SGCD: variants seen among roughly 807,000 people sequenced by gnomAD.
SGCD encodes the protein delta-sarcoglycan.
Under a neutral mutation model 36.6 loss-of-function variants are expected in SGCD, and 18 were observed. The observed-to-expected ratio is 0.49, with a 90% CI of 0.34 to 0.73. SGCD has a LOEUF of 0.73. Among genes scored for constraint, SGCD ranks in the 30% least tolerant of loss-of-function variants. The probability of loss-of-function intolerance (pLI) is 0.01; values close to 1 mark genes in which losing one functional copy is unlikely to be tolerated. For missense variants in SGCD, 387 were observed against 346.7 expected (o/e 1.12, Z -0.92); for synonymous variants, 133 against 130.6 (o/e 1.02, Z -0.12).
intron 1 of SGCD, among the ~76,000 whole-genome samples, chr5:155,928,941 A>G (rs1039893533): frequency 3.9e-5 from 6 of 152,076 alleles, no homozygotes; most frequent in African/African-American, 1.4e-4. Context: ...TGTCTCTTGA[A>G]CTTTACATGT....
intron 1 of SGCD, among the ~76,000 whole-genome samples, chr5:156,012,984 A>G (rs1192059172): frequency 6.7e-6 from 1 of 148,568 alleles, no homozygotes; most frequent in African/African-American, 2.5e-5. Flanking sequence ...TATGTATACA[A>G]GTAGTGTCTT....
At chr5:156,267,289 T>C (rs1766027003) in intron 3 of SGCD, among the ~76,000 whole-genome samples, 1 of 152,208 alleles carries the variant, frequency 6.6e-6, no homozygotes, top group Non-Finnish European at 1.5e-5. Flanking sequence ...ATTCCAAGAC[T>C]TCTCTTAAAA....
chr5:155,841,303 A>T, the SGCD span, among the ~76,000 whole-genome samples: 1 of 152,196 alleles, frequency 6.6e-6, no homozygotes, highest in East Asian at 1.9e-4. Context: ...TCAATGAAAT[A>T]TTGCTTACTT....
At chr5:156,052,634 T>G (rs1329847218) in intron 1 of SGCD, among the ~76,000 whole-genome samples, 1 of 145,758 alleles carries the variant, frequency 6.9e-6, no homozygotes. Context: ...ATATGTCGTA[T>G]AAATGAGGAC....
chr5:156,404,147 C>T (rs548585006), intron 3 of SGCD, among the ~76,000 whole-genome samples: 1 of 152,256 alleles, frequency 6.6e-6, no homozygotes, highest in East Asian at 1.9e-4. Flanking sequence ...CCTCACCTCT[C>T]TTTCACCCAG....
chr5:156,549,841 A>G (rs889094625), intron 4 of SGCD, among the ~76,000 whole-genome samples: 21 of 152,234 alleles, frequency 1.4e-4, no homozygotes, highest in Admixed American at 1.3e-3. Flanking sequence ...ATCTGCTTCA[A>G]CTATGGATCA....
intron 3 of SGCD, among the ~76,000 whole-genome samples, chr5:156,492,718 C>A (rs1368140804): frequency 6.6e-6 from 1 of 152,176 alleles, no homozygotes; most frequent in African/African-American, 2.4e-5. Context: ...TATCCTAGCC[C>A]CCACCACCCG....
intron 1 of SGCD, among the ~76,000 whole-genome samples, chr5:156,085,494 G>A (rs113075216): frequency 2.6e-5 from 4 of 152,244 alleles, no homozygotes; most frequent in African/African-American, 9.6e-5. Context: ...AGCTCCCTGA[G>A]GCCACCCCAG....
At chr5:156,699,416 G>A (rs1469410892) in intron 7 of SGCD, among the ~76,000 whole-genome samples, 1 of 152,046 alleles carries the variant, frequency 6.6e-6, no homozygotes, top group Non-Finnish European at 1.5e-5. Flanking sequence ...AGGAAAGGCT[G>A]TTCCTTTACT....
chr5:156,086,036 T>C (rs2127592770), intron 1 of SGCD, among the ~76,000 whole-genome samples: 1 of 152,356 alleles, frequency 6.6e-6, no homozygotes, highest in South Asian at 2.1e-4. Flanking sequence ...GGTGTATCTT[T>C]TTCTATAGTT....
At chr5:156,488,124 T>TTTA (rs1429861317) in intron 3 of SGCD, among the ~76,000 whole-genome samples, 2,815 of 130,478 alleles carry the variant, frequency 0.022, 60 homozygotes, top group East Asian at 0.042. Context: ...TTTTTTTTTT[T>TTTA]AAATAACCCA....
chr5:155,922,653 C>CTG (rs1756901421), intron 1 of SGCD, among the ~76,000 whole-genome samples: 1 of 152,038 alleles, frequency 6.6e-6, no homozygotes, highest in Non-Finnish European at 1.5e-5. Flanking sequence ...GAGAGAGTTT[C>CTG]TGTGTGTGTG....
At chr5:155,826,431 C>G in the SGCD span, among the ~76,000 whole-genome samples, 1 of 152,300 alleles carries the variant, frequency 6.6e-6, no homozygotes, top group African/African-American at 2.4e-5. Flanking sequence ...TCTACAAGAC[C>G]TGATGGAGTC....
intron 6 of SGCD, among the ~76,000 whole-genome samples, chr5:156,617,398 C>T (rs983404312): frequency 2.0e-5 from 3 of 152,226 alleles, no homozygotes; most frequent in Admixed American, 2.0e-4. Flanking sequence ...CAAGTAATTT[C>T]ATGTGGAGGA....
In SGCD at chr5:156,357,550, A is replaced by C. The variant is rs958949580; in HGVS notation, c.192+12873A>C. On this transcript the variant is annotated intron_variant, in intron 3 of 8. Transcript: ENST00000337851. ...TATTGGCTCAGCCATTGTCGACTCA[A>C]GCGGTTTTATTCTCATGAAAAATTT... Among the ~76,000 whole-genome samples, 5 of 152,208 alleles carry C rather than the reference A, an allele frequency of 3.3e-5. No individual in the cohort carries two copies. The East Asian group carries it at 9.6e-4, about 29-fold the overall frequency.
chr5:156,331,988 C>G (rs1371791784), intron 2 of SGCD, among the ~76,000 whole-genome samples: 1 of 152,168 alleles, frequency 6.6e-6, no homozygotes, highest in East Asian at 1.9e-4. Flanking sequence ...TCCATTCACC[C>G]TTGCAAGTTT....
intron 3 of SGCD, among the ~76,000 whole-genome samples, chr5:156,504,404 ATATATATATATATATATATATG>A (rs548573021): frequency 0.01 from 922 of 90,290 alleles, 18 homozygotes; most frequent in African/African-American, 0.027. Flanking sequence ...ATATATATAT[ATATATATATATATATATATATG>A]TCAATGTGTA....
chr5:155,947,293 TTGTGTGTGTGTGTG>T (rs56192140), intron 1 of SGCD, among the ~76,000 whole-genome samples: 2,378 of 138,956 alleles, frequency 0.017, 65 homozygotes, highest in African/African-American at 0.058. Context: ...ATAAATACTC[TTGTGTGTGTGTGTG>T]TGTGTGTGTG....
intron 7 of SGCD, among the ~76,000 whole-genome samples, chr5:156,697,009 G>T (rs1479114715): frequency 1.3e-5 from 2 of 150,396 alleles, no homozygotes; most frequent in African/African-American, 4.9e-5. Flanking sequence ...TGAGTGTCTG[G>T]CTATTCTCTG....
Sources: allele counts gnomAD v4.1 joint callset (sites outside exome capture counted in the v4.1 genomes callset), GRCh38; gene constraint gnomAD v4.1.1; transcripts MANE v1.5; gene names NCBI Gene and HGNC (gene_info 2026-07-23, HGNC 2026-07-21).